The following SLC37A3 variants were observed in gnomAD, a reference collection of about 807,000 sequenced individuals.
SLC37A3 encodes sugar phosphate exchanger 3.
A neutral mutation model predicts 67.1 loss-of-function variants in SLC37A3; 51 were observed. The observed-to-expected ratio is 0.76, with a 90% confidence interval of 0.61 to 0.96. The LOEUF (loss-of-function observed/expected upper bound fraction) is 0.96. SLC37A3 is among the 40% of genes least tolerant of loss of function. The pLI is 0.00. For missense variants in SLC37A3, 508 were observed against 603.0 expected, an observed-to-expected ratio of 0.84 and a Z score of 1.65; for synonymous variants, 214 against 231.4, an observed-to-expected ratio of 0.92 and a Z score of 0.68.
intron 7 of SLC37A3, among the ~76,000 whole-genome samples, chr7:140,353,103 A>G (rs1261755633): frequency 6.6e-6 from 1 of 152,086 alleles, no homozygotes; most frequent in African/African-American, 2.4e-5. Context: ...AAATGTATCT[A>G]CCTTTTAAAA....
chr7:140,379,612 A>C (rs1275464537), intron 3 of SLC37A3: 3 of 152,082 alleles, frequency 2.0e-5, no homozygotes, highest in African/African-American at 4.8e-5. Context: ...GTGGCATTTT[A>C]CCCAGGCGTG....
At chr7:140,342,916 G>A (rs1022497564) in intron 13 of SLC37A3, among the ~76,000 whole-genome samples, 7 of 152,260 alleles carry the variant, frequency 4.6e-5, no homozygotes, top group Admixed American at 6.5e-5. Context: ...AGAGATTTTT[G>A]GATACACAGG....
At chr7:140,392,209 G>A (rs1008976819) in intron 1 of SLC37A3, among the ~76,000 whole-genome samples, 6 of 151,960 alleles carry the variant, frequency 3.9e-5, no homozygotes, top group Admixed American at 3.9e-4. Context: ...GGGACTGAAA[G>A]GTGTCCGTGT....
intron 9 of SLC37A3, 78 bp downstream of exon 9, chr7:140,351,195 G>A: frequency 7.1e-7 from 1 of 1,407,940 alleles, no homozygotes; most frequent in Non-Finnish European, 9.7e-7. Flanking sequence ...AATACTTAAG[G>A]AAGCTTTATC....
chr7:140,335,558 T>C (rs1796101966), intron 14 of SLC37A3, 54 bp from the exon 15 acceptor site: 7 of 1,581,990 alleles, frequency 4.4e-6, no homozygotes, highest in Non-Finnish European at 6.0e-6. Context: ...TCTGTTAGAG[T>C]GTCATGTTTT....
rs750553279 is a variant in SLC37A3, at chr7:140,343,401, T to C, written c.1326+11A>G. ...GACACTAGAATCCCAGCCCCTCTCC[T>C]GTTCTCTCACCTGGCCCACTGCAGC... is the stretch of plus-strand genomic sequence containing the variant. On this transcript the variant is annotated intron_variant, in intron 13 of 14. Coordinates refer to ENST00000326232, the MANE Select transcript of SLC37A3 (RefSeq NM_207113.3). The C allele has an allele frequency of 1.9e-6, 3 of 1,612,508 alleles. No homozygotes were observed. Among genetic ancestry groups the C allele is most frequent in the South Asian group, 1.1e-5 (1 of 91,038 alleles).
Position 140,335,519 on chromosome 7 carries a change from T to A in SLC37A3, c.1393-15A>T, listed in dbSNP as rs375656025. The A allele has an allele frequency of 1.9e-6, 3 of 1,609,284 alleles. No individual in the cohort carries two copies. The African/African-American group carries it at 4.0e-5, about 21-fold the overall frequency. ...GTACAACTTGTCTGTAAAGAGAAAATAGTATTAAATATGCAGCAACAGTTT... is the reference window on the plus strand; with the variant it reads ...GTACAACTTGTCTGTAAAGAGAAAAAAGTATTAAATATGCAGCAACAGTTT... On this transcript the variant is annotated splice_polypyrimidine_tract_variant and intron_variant, in intron 14 of 14. Transcript: ENST00000326232.
In SLC37A3 at chr7:140,335,495, T is replaced by C. The variant is rs775998036; in HGVS notation, c.1402A>G (p.Thr468Ala). 6.2e-7 allele frequency: 1 copy of C among 1,613,708 alleles called. No homozygotes were observed. The highest frequency in any genetic ancestry group is 1.1e-5 in the South Asian group (1 of 91,080). ...FYFFILMTSC[T>A]IVFISPLIVR... ...ATTAATGGCGAGATAAACACAATTG[T>C]ACAACTTGTCTGTAAAGAGAAAATA... The change falls in exon 15 of 15, where the codon ACA becomes GCA. Residue 468 changes from threonine to alanine, a missense_variant. Thr to Ala is a moderately conservative substitution (Grantham distance 58). Coordinates refer to ENST00000326232, the MANE Select transcript of SLC37A3 (RefSeq NM_207113.3).
chr7:140,353,474 C>A (rs1346744892), intron 7 of SLC37A3, among the ~76,000 whole-genome samples: 3 of 150,362 alleles, frequency 2.0e-5, no homozygotes, highest in Non-Finnish European at 4.4e-5. Context: ...GAGACTCTGT[C>A]TTGGAAAAAA....
At chr7:140,336,092 G>A (rs1796120809) in intron 14 of SLC37A3, among the ~76,000 whole-genome samples, 1 of 152,230 alleles carries the variant, frequency 6.6e-6, no homozygotes, top group South Asian at 2.1e-4. Flanking sequence ...CGTCCCTGGT[G>A]CCTTCCAGAC....
intron 13 of SLC37A3, among the ~76,000 whole-genome samples, chr7:140,339,949 A>G (rs1048857513): frequency 2.0e-5 from 3 of 151,868 alleles, no homozygotes; most frequent in Non-Finnish European, 2.9e-5. Context: ...CGTGTTAGCC[A>G]GGAGGGTCTC....
At position 140,352,457 on chromosome 7, in the gene SLC37A3, T is replaced by A. The variant is rs34178686; in HGVS notation, c.619-311A>T. The stretch of plus-strand genomic sequence containing the variant: ...CAAAAATCTAGGTCTTTGTATCACA[T>A]AGCCTCTCATAAAAGACAGTATCTG... On this transcript the variant is annotated intron_variant, in intron 7 of 14. Coordinates refer to ENST00000326232, the MANE Select transcript of SLC37A3 (RefSeq NM_207113.3). 1.5e-3 allele frequency among the ~76,000 whole-genome samples: 221 copies of A among 152,324 alleles called. 1 individual carries two copies. The highest frequency in any genetic ancestry group is 6.8e-3 in the Middle Eastern group (2 of 294).
chr7:140,345,283 C>G lies in SLC37A3; in HGVS notation c.1127-20G>C. ...GAGAACCTGTGAGGGAAGACACAGA[C>G]AAACCATGGTGGCTTGAAAAGCAGA... On this transcript the variant is annotated intron_variant, in intron 11 of 14. Coordinates refer to ENST00000326232, the MANE Select transcript of SLC37A3 (RefSeq NM_207113.3). 1 of 1,612,110 alleles carries G rather than the reference C, an allele frequency of 6.2e-7. No homozygotes were observed. Among genetic ancestry groups the G allele is most frequent in the Non-Finnish European group, 8.5e-7 (1 of 1,178,274 alleles).
chr7:140,337,196 A>G (rs1437909367), intron 14 of SLC37A3, 88 bp downstream of exon 14: 19 of 967,668 alleles, frequency 2.0e-5, no homozygotes, highest in Non-Finnish European at 2.6e-5. Flanking sequence ...AAAGCAATCA[A>G]CAGTTTTGCT....
At chr7:140,348,819 T>C (rs368584097) in intron 9 of SLC37A3, 52 bp from the exon 10 acceptor site, 5 of 1,587,772 alleles carry the variant, frequency 3.1e-6, no homozygotes, top group African/African-American at 2.7e-5. Context: ...ACAGCACGAC[T>C]ACCATTTTTA....
At chr7:140,367,304 G>T (rs189403949) in intron 4 of SLC37A3, among the ~76,000 whole-genome samples, 1 of 152,026 alleles carries the variant, frequency 6.6e-6, no homozygotes, top group African/African-American at 2.4e-5. Flanking sequence ...GGGCATGATG[G>T]TGTGCACCTG....
chr7:140,351,213 G>A (rs1324931648), intron 9 of SLC37A3, 60 bp downstream of exon 9: 5 of 1,510,428 alleles, frequency 3.3e-6, no homozygotes, highest in South Asian at 2.5e-5. Context: ...ATCTCAGGCA[G>A]AGGAGATGTC....
intron 3 of SLC37A3, among the ~76,000 whole-genome samples, chr7:140,375,320 A>G (rs1297155374): frequency 6.6e-6 from 1 of 151,498 alleles, no homozygotes; most frequent in African/African-American, 2.4e-5. Flanking sequence ...ACTAAAATAC[A>G]AAAAATTAGC....
In SLC37A3 at chr7:140,335,183, G is replaced by A. The variant is rs1230226980; in HGVS notation, c.*229C>T. The A allele has an allele frequency of 5.8e-6, 9 of 1,559,954 alleles. No individual in the cohort carries two copies. The highest frequency in any genetic ancestry group is 1.8e-5 in the Admixed American group (1 of 56,638). On this transcript the variant is annotated 3_prime_UTR_variant, in exon 15 of 15. Transcript: ENST00000326232. ...ATGCTGGCAGAGTCAGAAGTCACTC[G>A]GCACATTCATGAAACAACAGCAAAA...
Sources: gnomAD v4.1 joint callset for allele counts (sites outside exome capture counted in the v4.1 genomes callset) on GRCh38, gnomAD v4.1.1 for gene constraint, MANE v1.5 for transcripts, NCBI Gene and HGNC (gene_info 2026-07-23, HGNC 2026-07-21) for gene names.